Variants in NAA60 observed in about 807,000 individuals in gnomAD.
NAA60 encodes N-alpha-acetyltransferase 60, NatF catalytic subunit.
A neutral mutation model predicts 26.1 loss-of-function variants in NAA60; 8 were observed. The observed-to-expected ratio is 0.31, with a 90% CI of 0.18 to 0.55. The LOEUF (loss-of-function observed/expected upper bound fraction) is 0.55. Ranked by LOEUF, NAA60 falls within the 20% of genes least tolerant of loss-of-function variation. The probability of loss-of-function intolerance (pLI) is 0.93; values close to 1 mark genes in which losing one functional copy is unlikely to be tolerated. For synonymous variants in NAA60, 131 were observed against 122.5 expected, an observed-to-expected ratio of 1.07 and a Z score of -0.46; for missense variants, 290 against 311.3, an observed-to-expected ratio of 0.93 and a Z score of 0.51.
At chr16:3,448,421 A>G (rs2150944023) in intron 1 of NAA60, 50 bp from the exon 2 acceptor site, 1 of 1,465,312 alleles carries the variant, frequency 6.8e-7, no homozygotes, top group Non-Finnish European at 9.2e-7. Flanking sequence ...AGTTGTAGAG[A>G]TGGGATGGCC....
chr16:3,462,765 G>A (rs923554333), intron 2 of NAA60: 2 of 152,120 alleles, frequency 1.3e-5, no homozygotes, highest in African/African-American at 4.8e-5. Flanking sequence ...TAGGGATGGG[G>A]CGCATACAGG....
At chr16:3,466,386 C>T (rs1360908851) in intron 2 of NAA60, among the ~76,000 whole-genome samples, 1 of 152,222 alleles carries the variant, frequency 6.6e-6, no homozygotes. Context: ...TTGGAAGAAG[C>T]CAGGGATGCT....
At position 3,483,246 on chromosome 16, in the gene NAA60, C is replaced by T. The variant is rs571528528; in HGVS notation, c.338-117C>T. 2.6e-5 allele frequency: 20 copies of T among 763,074 alleles called. No homozygotes were observed. The East Asian group carries it at 4.5e-4, about 17-fold the overall frequency. The allele number at this position is 763,074 out of a possible 1,614,324, so 47.3% of individuals were successfully genotyped here. A position where few individuals can be genotyped will look rare whatever the true frequency, so the allele number is the denominator to read the frequency against. On this transcript the variant is annotated intron_variant, in intron 5 of 7. Coordinates refer to ENST00000407558, the MANE Select transcript of NAA60 (RefSeq NM_001083601.3). ...ACAGTGGTGGTGAAGAAAGGCTGGT[C>T]TCTGATACGGTGGGCCGAGACATCT...
chr16:3,473,074 C>T (rs1196161695), intron 2 of NAA60, among the ~76,000 whole-genome samples: 1 of 152,064 alleles, frequency 6.6e-6, no homozygotes, highest in Non-Finnish European at 1.5e-5. Flanking sequence ...CTCACCACGT[C>T]ACCCAGGCTG....
chr16:3,463,995 G>A (rs2035582603), intron 2 of NAA60, among the ~76,000 whole-genome samples: 1 of 152,186 alleles, frequency 6.6e-6, no homozygotes, highest in Non-Finnish European at 1.5e-5. Flanking sequence ...CAATTGCTGG[G>A]GCAGATTCAG....
chr16:3,445,405 C>T (rs888936744), intron 1 of NAA60, among the ~76,000 whole-genome samples: 1 of 151,380 alleles, frequency 6.6e-6, no homozygotes, highest in East Asian at 1.9e-4. Flanking sequence ...TCCTGAGTAG[C>T]TGGGACTACA....
chr16:3,443,652 T>G, upstream of NAA60: 1 of 1,264,750 alleles, frequency 7.9e-7, no homozygotes. Context: ...GAGAGGTAGT[T>G]TTCCTCCTTT....
chr16:3,486,947 C>T lies in NAA60; in HGVS notation c.*1687C>T, dbSNP rs932592418. On this transcript the variant is annotated 3_prime_UTR_variant, in exon 8 of 8. Coordinates refer to ENST00000407558, the MANE Select transcript of NAA60 (RefSeq NM_001083601.3). ...CATTACGAGCAAATAAATAGACTTT[C>T]ATTGGAGTTCGTCACATCCTGTTTC... 1 of 152,570 alleles carries T rather than the reference C, an allele frequency of 6.6e-6. No individual in the cohort carries two copies. Among genetic ancestry groups the T allele is most frequent in the Non-Finnish European group, 1.5e-5 (1 of 68,088 alleles). 9.5% of individuals were successfully genotyped at this position (152,570 alleles called of 1,614,324 possible). A position where few individuals can be genotyped will look rare whatever the true frequency, so the allele number is the denominator to read the frequency against.
chr16:3,445,555 G>A (rs2034518703), intron 1 of NAA60, among the ~76,000 whole-genome samples: 1 of 151,780 alleles, frequency 6.6e-6, no homozygotes, highest in Non-Finnish European at 1.5e-5. Context: ...GATTACAAGC[G>A]TGAGCCACCG....
chr16:3,449,826 A>C (rs1406385231), intron 2 of NAA60, among the ~76,000 whole-genome samples: 1 of 152,128 alleles, frequency 6.6e-6, no homozygotes, highest in Non-Finnish European at 1.5e-5. Context: ...CACGAGATCT[A>C]ATGGTTTTTA....
intron 2 of NAA60, among the ~76,000 whole-genome samples, chr16:3,449,334 C>A (rs12596501): frequency 2.6e-5 from 4 of 152,068 alleles, no homozygotes; most frequent in African/African-American, 9.7e-5. Flanking sequence ...CTGGCTAACA[C>A]GGTGAAACCC....
chr16:3,451,386 C>T (rs915112841), intron 2 of NAA60, among the ~76,000 whole-genome samples: 1 of 152,102 alleles, frequency 6.6e-6, no homozygotes, highest in Non-Finnish European at 1.5e-5. Context: ...CCAATGTATC[C>T]TTTTGTTTTG....
chr16:3,471,216 G>A (rs1888193845), intron 2 of NAA60, among the ~76,000 whole-genome samples: 1 of 151,458 alleles, frequency 6.6e-6, no homozygotes, highest in African/African-American at 2.4e-5. Context: ...AAATCAACTT[G>A]ACTGGGCCGG....
chr16:3,465,540 T>C (rs2035698726), intron 2 of NAA60, among the ~76,000 whole-genome samples: 1 of 152,040 alleles, frequency 6.6e-6, no homozygotes, highest in Non-Finnish European at 1.5e-5. Context: ...GAAGGTGCTG[T>C]CCCCCAGGCT....
At chr16:3,456,586 C>T (rs534499081) in intron 2 of NAA60, 5 of 152,266 alleles carry the variant, frequency 3.3e-5, no homozygotes, top group Admixed American at 2.6e-4. Flanking sequence ...TGTGCTCTCT[C>T]TTGTTCACTG....
At chr16:3,458,058 C>T (rs890880738) in intron 2 of NAA60, 3 of 985,234 alleles carry the variant, frequency 3.0e-6, no homozygotes, top group African/African-American at 1.7e-5. Context: ...TCCGTCCCGG[C>T]TGCGGCCCCT....
intron 2 of NAA60, among the ~76,000 whole-genome samples, chr16:3,461,268 C>T (rs2150965903): frequency 6.6e-6 from 1 of 152,218 alleles, no homozygotes; most frequent in African/African-American, 2.4e-5. Context: ...GGGGTCTGAA[C>T]CGGGGGAGCC....
chr16:3,485,054 C>G lies in NAA60; in HGVS notation c.*199C>G, dbSNP rs1463952714. On this transcript the variant is annotated 3_prime_UTR_variant, in exon 7 of 8. Coordinates refer to ENST00000407558, the MANE Select transcript of NAA60 (RefSeq NM_001083601.3). ...TGGGCATGCGCAGAGCATGCCCATC[C>G]GTGGCAGGTACGCCACAGCAGACAC... The G allele has an allele frequency of 6.8e-7, 1 of 1,478,352 alleles. No individual in the cohort carries two copies. The highest frequency in any genetic ancestry group is 1.4e-5 in the African/African-American group (1 of 71,672). 91.6% of individuals were successfully genotyped at this position (1,478,352 alleles called of 1,614,324 possible).
chr16:3,466,452 G>T (rs1485803793), intron 2 of NAA60, among the ~76,000 whole-genome samples: 1 of 152,226 alleles, frequency 6.6e-6, no homozygotes, highest in African/African-American at 2.4e-5. Flanking sequence ...CAAGCCATGC[G>T]CAGTGTTAGC....
Sources: allele counts gnomAD v4.1 joint callset (sites outside exome capture counted in the v4.1 genomes callset), GRCh38; gene constraint gnomAD v4.1.1; transcripts MANE v1.5; gene names NCBI Gene and HGNC (gene_info 2026-07-23, HGNC 2026-07-21).